Variants in TBX1 observed in about 807,000 individuals in gnomAD.
The protein encoded by TBX1 is T-box transcription factor 1.
Under a neutral mutation model 40.8 loss-of-function variants are expected in TBX1, and 16 were observed. The observed-to-expected ratio is 0.39, with a 90% CI of 0.27 to 0.60. The LOEUF is 0.60. Ranked by LOEUF, TBX1 falls within the 20% of genes least tolerant of loss-of-function variation. The pLI, the probability that TBX1 is intolerant of heterozygous loss-of-function variation, is 0.51. For synonymous variants in TBX1, 403 were observed against 336.8 expected, an observed-to-expected ratio of 1.20 and a Z score of -2.15; for missense variants, 755 against 728.5, an observed-to-expected ratio of 1.04 and a Z score of -0.42.
chr22:19,777,748 G>A (rs1937089077), intron 8 of TBX1, among the ~76,000 whole-genome samples: 1 of 148,178 alleles, frequency 6.7e-6, no homozygotes, highest in Admixed American at 6.8e-5. Context: ...AGGGTGTGTT[G>A]TTACTCTTAA....
intron 4 of TBX1, 135 bp downstream of exon 4, chr22:19,765,248 G>C: frequency 3.7e-6 from 5 of 1,365,728 alleles, no homozygotes; most frequent in African/African-American, 1.4e-5. Flanking sequence ...AACCCAACTG[G>C]AGCCCCACTC....
chr22:19,764,878 C>T, intron 3 of TBX1, 80 bp from the exon 4 acceptor site: 1 of 1,565,552 alleles, frequency 6.4e-7, no homozygotes, highest in Non-Finnish European at 8.8e-7. Context: ...CAACTCAGAC[C>T]TCAGCCCATT....
intron 1 of TBX1, 119 bp from the exon 2 acceptor site, chr22:19,763,122 G>A (rs72646958): frequency 0.012 from 9,778 of 789,822 alleles, 104 homozygotes; most frequent in Non-Finnish European, 0.018. Flanking sequence ...GGGCTGGGAC[G>A]ACACAGCAGC....
At chr22:19,759,559 G>T (rs737868), upstream of TBX1, 13 of 1,576,592 alleles carry the variant, frequency 8.2e-6, no homozygotes, top group Non-Finnish European at 1.1e-5. Flanking sequence ...TGGTTGCAGC[G>T]GAGGCGGCGG....
At chr22:19,779,898 G>A (rs713676), downstream of TBX1, among the ~76,000 whole-genome samples, 73,522 of 151,812 alleles carry the variant, frequency 0.48, 18,332 homozygotes, top group African/African-American at 0.58. Context: ...CCCAGGCGGA[G>A]GCACCACGGT....
chr22:19,767,489 C>T (rs1212218846), downstream of TBX1, among the ~76,000 whole-genome samples: 2 of 152,188 alleles, frequency 1.3e-5, no homozygotes, highest in Non-Finnish European at 2.9e-5. Context: ...CTGTCCGCCA[C>T]GCCTCCTGCC....
upstream of TBX1, among the ~76,000 whole-genome samples, chr22:19,760,224 T>A (rs539766082): frequency 5.7e-5 from 8 of 141,354 alleles, no homozygotes; most frequent in Middle Eastern, 0.011. Context: ...TTTTTTTTTT[T>A]TAAAAAGAAA....
chr22:19,781,029 G>A (rs1049499369), downstream of TBX1, among the ~76,000 whole-genome samples: 2 of 151,988 alleles, frequency 1.3e-5, no homozygotes, highest in African/African-American at 2.4e-5. Context: ...TGATCCACCC[G>A]CCTCAGCCTC....
intron 2 of TBX1, chr22:19,763,837 G>T (rs1936745671): frequency 1.9e-6 from 1 of 514,464 alleles, no homozygotes; most frequent in Non-Finnish European, 3.5e-6. Context: ...GCAAGGCCAA[G>T]TGTGGGCTCC....
chr22:19,761,467 G>C (rs1936660113), intron 1 of TBX1, among the ~76,000 whole-genome samples, 187 bp downstream of exon 1: 1 of 151,762 alleles, frequency 6.6e-6, no homozygotes, highest in African/African-American at 2.4e-5. Flanking sequence ...ACAGCCGCCC[G>C]GCGCTCCCCT....
At chr22:19,761,325 C>G (rs747567282) in intron 1 of TBX1, 45 bp downstream of exon 1, 10 of 1,512,338 alleles carry the variant, frequency 6.6e-6, no homozygotes, top group Non-Finnish European at 8.9e-6. Flanking sequence ...CACGTGCTGC[C>G]GCCAGGGCTG....
intron 1 of TBX1, among the ~76,000 whole-genome samples, chr22:19,763,031 G>C (rs1410063349): frequency 6.6e-6 from 1 of 152,192 alleles, no homozygotes; most frequent in Non-Finnish European, 1.5e-5. Context: ...GGCCCAGGAG[G>C]CTCCCCTGCT....
At chr22:19,773,249 G>A (rs974949243) in intron 8 of TBX1, among the ~76,000 whole-genome samples, 3 of 152,174 alleles carry the variant, frequency 2.0e-5, no homozygotes, top group Non-Finnish European at 4.4e-5. Context: ...TGCCTGCTCC[G>A]CCACCTCCTG....
chr22:19,776,734 C>A (rs1255387045), intron 8 of TBX1, among the ~76,000 whole-genome samples: 1 of 152,240 alleles, frequency 6.6e-6, no homozygotes, highest in Non-Finnish European at 1.5e-5. Context: ...ATGCCAGCCA[C>A]CAACTCAGAG....
downstream of TBX1, among the ~76,000 whole-genome samples, chr22:19,767,519 G>A (rs1936905826): frequency 6.6e-6 from 1 of 152,072 alleles, no homozygotes; most frequent in African/African-American, 2.4e-5. Context: ...CCCCATAGGG[G>A]CTCCCACTGC....
chr22:19,763,945 C>T (rs1391298043), intron 2 of TBX1, among the ~76,000 whole-genome samples: 1 of 152,186 alleles, frequency 6.6e-6, no homozygotes, highest in Non-Finnish European at 1.5e-5. Flanking sequence ...GTGTCCAGTT[C>T]CTTGATTGTT....
At chr22:19,759,647 C>G, upstream of TBX1, 1 of 1,612,386 alleles carries the variant, frequency 6.2e-7, no homozygotes, top group African/African-American at 1.3e-5. Flanking sequence ...GGCAGGGATG[C>G]ACTTCAGCAC....
rs1425084997 is a variant in TBX1 at position 19,760,895 on chromosome 22, G to A, written c.52G>A (p.Asp18Asn). 9 of 1,056,436 alleles carry A rather than the reference G, an allele frequency of 8.5e-6. No individual in the cohort carries two copies. The highest frequency in any genetic ancestry group is 1.7e-5 in the African/African-American group (1 of 57,784). 65.4% of individuals were successfully genotyped at this position (1,056,436 alleles called of 1,614,324 possible). The change falls in exon 1 of 7, where the codon GAC becomes AAC. Residue 18 changes from aspartate to asparagine, a missense_variant. Transcript: ENST00000649276. ...GCTCACGCAGCTCTCGCATTTCTGC[G>A]ACGTTGCAGCCTTCACGGCCAGCAG... ...PWLTQLSHFC[D>N]VAAFTASSLS...
upstream of TBX1, chr22:19,759,486 G>C: frequency 1.4e-6 from 2 of 1,449,698 alleles, no homozygotes; most frequent in Non-Finnish European, 9.0e-7. Context: ...CCAGGCCGCC[G>C]GGCGCCTATG....
Sources: gnomAD v4.1 joint callset for allele counts (sites outside exome capture counted in the v4.1 genomes callset) on GRCh38, gnomAD v4.1.1 for gene constraint, MANE v1.5 for transcripts, NCBI Gene and HGNC (gene_info 2026-07-23, HGNC 2026-07-21) for gene names.